Variants in SLC25A21 observed in about 807,000 individuals in gnomAD.
SLC25A21 encodes mitochondrial 2-oxodicarboxylate carrier.
SLC25A21 carries 47 observed loss-of-function variants against 43.8 expected under a neutral mutation model. The observed-to-expected ratio is 1.07, with a 90% CI of 0.85 to 1.37. The LOEUF (loss-of-function observed/expected upper bound fraction) is 1.37. SLC25A21 is among the 40% of genes most tolerant of loss of function. SLC25A21 has a pLI of 0.00. For synonymous variants in SLC25A21, 131 were observed against 121.3 expected, an observed-to-expected ratio of 1.08 and a Z score of -0.52; for missense variants, 352 against 350.2, an observed-to-expected ratio of 1.00 and a Z score of -0.04.
intron 1 of SLC25A21, among the ~76,000 whole-genome samples, chr14:37,113,408 G>C (rs1364588124): frequency 6.6e-6 from 1 of 152,116 alleles, no homozygotes; most frequent in Non-Finnish European, 1.5e-5. Context: ...ACAAGATTGT[G>C]TACACAAACT....
chr14:36,695,339 T>C (rs181380288), intron 7 of SLC25A21, among the ~76,000 whole-genome samples: 63 of 152,352 alleles, frequency 4.1e-4, no homozygotes, highest in Non-Finnish European at 5.9e-5. Flanking sequence ...TGAAGTCAGG[T>C]AGCGTGATGT....
At chr14:36,777,773 T>A (rs925002498) in intron 3 of SLC25A21, among the ~76,000 whole-genome samples, 4 of 152,218 alleles carry the variant, frequency 2.6e-5, no homozygotes, top group African/African-American at 9.6e-5. Context: ...GAACTTCAGT[T>A]GTTTTAAGCC....
intron 3 of SLC25A21, among the ~76,000 whole-genome samples, chr14:36,799,405 A>G (rs17105367): frequency 0.23 from 34,433 of 152,110 alleles, 3,992 homozygotes; most frequent in East Asian, 0.3. Flanking sequence ...TCTATTCACC[A>G]TGGTGGTGTT....
At position 36,698,676 on chromosome 14, in the gene SLC25A21, A is replaced by T. The variant is rs1031590957; in HGVS notation, c.603+12642T>A. Among the ~76,000 whole-genome samples the T allele has an allele frequency of 7.2e-5, 11 of 152,176 alleles. No homozygotes were observed. The East Asian group carries it at 7.7e-4, about 11-fold the overall frequency. ...AATTTCATTAATTTGATCTTCAGTC[A>T]CTGATACCCTTTCTTCCACTTGATC... On this transcript the variant is annotated intron_variant, in intron 7 of 9. Coordinates refer to ENST00000331299, the MANE Select transcript of SLC25A21 (RefSeq NM_030631.4).
intron 1 of SLC25A21, among the ~76,000 whole-genome samples, chr14:36,918,869 T>C (rs936274258): frequency 1.3e-5 from 2 of 152,114 alleles, no homozygotes; most frequent in Non-Finnish European, 2.9e-5. Flanking sequence ...AAAGATCCTT[T>C]TAAGTGTAAG....
intron 1 of SLC25A21, among the ~76,000 whole-genome samples, chr14:37,031,128 G>A (rs868375274): frequency 2.6e-5 from 4 of 152,110 alleles, no homozygotes; most frequent in South Asian, 2.1e-4. Context: ...GCCCTTCTGC[G>A]CATGTTTACT....
chr14:36,828,868 A>G (rs1198221491), intron 2 of SLC25A21: 2 of 152,304 alleles, frequency 1.3e-5, no homozygotes, highest in Non-Finnish European at 2.9e-5. Flanking sequence ...AATATCTTTC[A>G]TCAGCTCTTC....
At chr14:36,748,673 G>A (rs1885589912) in intron 3 of SLC25A21, among the ~76,000 whole-genome samples, 1 of 152,032 alleles carries the variant, frequency 6.6e-6, no homozygotes, top group Non-Finnish European at 1.5e-5. Context: ...ACAACCCTAG[G>A]GCTTAGTTTG....
At chr14:37,068,527 G>A (rs1950814) in intron 1 of SLC25A21, among the ~76,000 whole-genome samples, 32,442 of 152,068 alleles carry the variant, frequency 0.21, 8,030 homozygotes, top group African/African-American at 0.6. Context: ...AACACATTTT[G>A]TATAATTGCA....
chr14:36,735,930 A>ATTT lies in SLC25A21; in HGVS notation c.204-1360_204-1358dup, dbSNP rs776933723. Among the ~76,000 whole-genome samples, 245 of 84,280 alleles carry ATTT rather than the reference A, an allele frequency of 2.9e-3. 11 individuals carry two copies. The highest frequency in any genetic ancestry group is 7.9e-3 in the African/African-American group (148 of 18,660). 55.3% of individuals were successfully genotyped at this position (84,280 alleles called of 152,430 possible). On this transcript the variant is annotated intron_variant, in intron 3 of 9. Coordinates refer to ENST00000331299, the MANE Select transcript of SLC25A21 (RefSeq NM_030631.4). Reference sequence around the variant, plus strand: ...CTGATATGGGCTTATTCTGGCCACAATTTTTTTTTTTTTTTTTTTTTTTTG... The same window carrying ATTT: ...CTGATATGGGCTTATTCTGGCCACAATTTTTTTTTTTTTTTTTTTTTTTTTTTG...
At chr14:37,123,216 G>C (rs1963240418) in intron 1 of SLC25A21, among the ~76,000 whole-genome samples, 1 of 152,180 alleles carries the variant, frequency 6.6e-6, no homozygotes, top group African/African-American at 2.4e-5. Context: ...TACAGGGTTG[G>C]GGAGATGGAG....
rs551284350 is a variant in SLC25A21 at position 36,823,024 on chromosome 14, G to GT, written c.120-9024_120-9023insA. Among the ~76,000 whole-genome samples, 546 of 152,214 alleles carry GT rather than the reference G, an allele frequency of 3.6e-3. 4 individuals are homozygous for GT. Among genetic ancestry groups the GT allele is most frequent in the African/African-American group, 0.013 (534 of 41,550 alleles). ...AGACATATGGTATTTCTAGTATTTA[G>GT]AATCTATGTAAAATTTGACATTGCA... On this transcript the variant is annotated intron_variant, in intron 2 of 9. Transcript: ENST00000331299.
At chr14:36,814,882 C>T (rs1029957632) in intron 2 of SLC25A21, among the ~76,000 whole-genome samples, 1 of 152,154 alleles carries the variant, frequency 6.6e-6, no homozygotes, top group Admixed American at 6.5e-5. Flanking sequence ...GTGTTTATTG[C>T]AGCACTATTT....
chr14:36,750,715 A>T lies in SLC25A21; in HGVS notation c.204-16142T>A, dbSNP rs79576241. ...TTCACATTGAAAAATTAAAAATATT[A>T]AAAAAACCAAAACTACTCTATCACG... is the stretch of plus-strand genomic sequence containing the variant. On this transcript the variant is annotated intron_variant, in intron 3 of 9. Transcript: ENST00000331299. 1.5e-3 allele frequency among the ~76,000 whole-genome samples: 223 copies of T among 152,244 alleles called. 4 individuals carry two copies. The East Asian group carries it at 0.04, about 27-fold the overall frequency.
rs1349894930 is a variant in SLC25A21 at position 37,040,353 on chromosome 14, GA to G, written c.70+131927del. Among the ~76,000 whole-genome samples the G allele has an allele frequency of 1.1e-3, 53 of 49,230 alleles. 17 individuals carry two copies. The highest frequency in any genetic ancestry group is 6.2e-3 in the East Asian group (13 of 2,084). The allele number at this position is 49,230 out of a possible 152,430, so 32.3% of individuals were successfully genotyped here. On this transcript the variant is annotated intron_variant, in intron 1 of 9. Coordinates refer to ENST00000331299, the MANE Select transcript of SLC25A21 (RefSeq NM_030631.4). ...GGAAGGAAGGAAGGAAGGAAGGAAG[GA>G]AAGAAAGAGAGAGAGAGAGAGAAAG...
chr14:37,001,321 C>T (rs951401287), intron 1 of SLC25A21, among the ~76,000 whole-genome samples: 10 of 152,210 alleles, frequency 6.6e-5, no homozygotes, highest in African/African-American at 2.4e-4. Context: ...TGCATTGTTT[C>T]ATGGGATCTG....
chr14:36,952,804 T>C (rs74045206), intron 1 of SLC25A21, among the ~76,000 whole-genome samples: 1,942 of 152,272 alleles, frequency 0.013, 46 homozygotes, highest in African/African-American at 0.044. Flanking sequence ...GGTGTGGCCT[T>C]GGGCAAAAAG....
At chr14:36,985,716 C>T (rs764250680) in intron 1 of SLC25A21, among the ~76,000 whole-genome samples, 10 of 152,118 alleles carry the variant, frequency 6.6e-5, no homozygotes, top group Non-Finnish European at 1.0e-4. Context: ...TAATGGTTGT[C>T]GTAATTTTCC....
chr14:37,028,242 T>A (rs549287893), intron 1 of SLC25A21, among the ~76,000 whole-genome samples: 1 of 151,820 alleles, frequency 6.6e-6, no homozygotes, highest in Non-Finnish European at 1.5e-5. Context: ...ATACCAATAG[T>A]GGTTGAGAAG....
Sources: gnomAD v4.1 joint callset for allele counts (sites outside exome capture counted in the v4.1 genomes callset) on GRCh38, gnomAD v4.1.1 for gene constraint, MANE v1.5 for transcripts, NCBI Gene and HGNC (gene_info 2026-07-23, HGNC 2026-07-21) for gene names.